Variants in SCD5 observed in about 807,000 individuals in gnomAD.
SCD5 encodes the protein acyl-CoA-desaturase 4.
A neutral mutation model predicts 30.4 loss-of-function variants in SCD5; 20 were observed. That is an observed-to-expected ratio of 0.66 (90% CI 0.46 to 0.96). SCD5 has a LOEUF of 0.96. SCD5 is among the 40% of genes least tolerant of loss of function. SCD5 has a pLI of 0.00. For synonymous variants in SCD5, 173 were observed against 176.4 expected (o/e 0.98, Z 0.16); for missense variants, 381 against 443.3 (o/e 0.86, Z 1.26).
At chr4:82,743,340 G>A (rs1223389534) in intron 1 of SCD5, among the ~76,000 whole-genome samples, 2 of 151,842 alleles carry the variant, frequency 1.3e-5, no homozygotes, top group African/African-American at 2.4e-5. Flanking sequence ...TGAGATGCCC[G>A]TATCTACAAA....
At chr4:82,767,888 G>T (rs1056103229) in intron 1 of SCD5, among the ~76,000 whole-genome samples, 1 of 152,082 alleles carries the variant, frequency 6.6e-6, no homozygotes, top group Admixed American at 6.6e-5. Context: ...GGACCCTCTG[G>T]TTCTACTGGG....
intron 1 of SCD5, among the ~76,000 whole-genome samples, chr4:82,771,442 C>G (rs1316224372): frequency 6.6e-6 from 1 of 152,202 alleles, no homozygotes; most frequent in Non-Finnish European, 1.5e-5. Flanking sequence ...AAGAAAGAAA[C>G]TAATTTCATT....
At chr4:82,736,392 C>T (rs1457256186) in intron 1 of SCD5, among the ~76,000 whole-genome samples, 2 of 150,758 alleles carry the variant, frequency 1.3e-5, no homozygotes, top group Non-Finnish European at 3.0e-5. Flanking sequence ...GTGGATCAGC[C>T]GAGGTCAGGA....
At chr4:82,742,895 G>A (rs1444673379) in intron 1 of SCD5, among the ~76,000 whole-genome samples, 1 of 152,102 alleles carries the variant, frequency 6.6e-6, no homozygotes, top group Non-Finnish European at 1.5e-5. Flanking sequence ...CTCAGGGAGT[G>A]GAAAGCAACC....
chr4:82,680,956 G>T, intron 2 of SCD5, 44 bp from the exon 3 acceptor site: 5 of 1,562,176 alleles, frequency 3.2e-6, no homozygotes, highest in South Asian at 1.1e-5. Flanking sequence ...GAACCGCACC[G>T]CCGAGCATCC....
At chr4:82,754,442 G>T (rs771459777) in intron 1 of SCD5, among the ~76,000 whole-genome samples, 3 of 145,008 alleles carry the variant, frequency 2.1e-5, no homozygotes, top group Non-Finnish European at 3.0e-5. Flanking sequence ...ATCTCAGTGC[G>T]TGGTCACTTG....
intron 1 of SCD5, among the ~76,000 whole-genome samples, chr4:82,746,655 G>A (rs1257782118): frequency 6.6e-6 from 1 of 152,050 alleles, no homozygotes; most frequent in South Asian, 2.1e-4. Flanking sequence ...ACAAGGTAAA[G>A]GCAAGAGACC....
Position 82,649,603 on chromosome 4 carries a change from C to T in SCD5, c.570-12780G>A, listed in dbSNP as rs185614983. Among the ~76,000 whole-genome samples, 5 of 152,194 alleles carry T rather than the reference C, an allele frequency of 3.3e-5. No individual in the cohort carries two copies. The South Asian group carries it at 8.3e-4, about 25-fold the overall frequency. The stretch of plus-strand genomic sequence containing the variant: ...AGCTGTGTGTGCCCTTAGGAGACTA[C>T]CTTTATCATGTCTTCCATGCAAGGG... On this transcript the variant is annotated intron_variant, in intron 3 of 4. Transcript: ENST00000319540.
At chr4:82,663,180 C>A (rs1207173859) in intron 3 of SCD5, among the ~76,000 whole-genome samples, 1 of 152,134 alleles carries the variant, frequency 6.6e-6, no homozygotes, top group Non-Finnish European at 1.5e-5. Context: ...GAGTCATAAA[C>A]CCATCCAAGG....
At chr4:82,633,147 C>T (rs189538859) in intron 4 of SCD5, among the ~76,000 whole-genome samples, 100 of 151,976 alleles carry the variant, frequency 6.6e-4, no homozygotes, top group African/African-American at 2.4e-3. Context: ...CTCTCAACAA[C>T]CCCCCTGCCC....
At position 82,654,040 on chromosome 4, in the gene SCD5, C is replaced by T. The variant is rs187872848; in HGVS notation, c.570-17217G>A. Among the ~76,000 whole-genome samples the T allele has an allele frequency of 1.2e-4, 19 of 152,188 alleles. 1 individual carries two copies. Among genetic ancestry groups the T allele is most frequent in the Admixed American group, 4.6e-4 (7 of 15,286 alleles). ...TCAAGCAATTCTCCTGCCTCAGCCT[C>T]CCAAGTAGCTGGGATTACAGGTGTC... On this transcript the variant is annotated intron_variant, in intron 3 of 4. Coordinates refer to ENST00000319540, the MANE Select transcript of SCD5 (RefSeq NM_001037582.3).
chr4:82,784,049 G>C (rs993232295), intron 1 of SCD5, among the ~76,000 whole-genome samples: 4 of 152,138 alleles, frequency 2.6e-5, no homozygotes, highest in Non-Finnish European at 5.9e-5. Flanking sequence ...CAGAGGAAAT[G>C]ATAAAGCAAA....
At chr4:82,760,683 T>C (rs1560555907) in intron 1 of SCD5, among the ~76,000 whole-genome samples, 2 of 152,116 alleles carry the variant, frequency 1.3e-5, no homozygotes, top group Non-Finnish European at 2.9e-5. Context: ...TCAAGCCCAT[T>C]CAAGCCTGAT....
intron 1 of SCD5, among the ~76,000 whole-genome samples, chr4:82,779,180 T>G (rs1381588086): frequency 1.4e-5 from 2 of 145,082 alleles, no homozygotes; most frequent in Admixed American, 1.4e-4. Flanking sequence ...CTAGCTAATC[T>G]TAAACTAGCA....
chr4:82,661,699 A>G (rs954793626), intron 3 of SCD5, among the ~76,000 whole-genome samples: 1 of 152,176 alleles, frequency 6.6e-6, no homozygotes, highest in Non-Finnish European at 1.5e-5. Flanking sequence ...TTTTTCTCCT[A>G]TGCCACTCTC....
At chr4:82,679,215 G>GA (rs1560531570) in intron 3 of SCD5, among the ~76,000 whole-genome samples, 40 of 20,468 alleles carry the variant, frequency 2.0e-3, no homozygotes, top group African/African-American at 7.1e-3. Flanking sequence ...AAAAAAAAAA[G>GA]AAAGAAAAGA....
At chr4:82,639,871 T>A (rs749851592) in intron 3 of SCD5, among the ~76,000 whole-genome samples, 3 of 152,220 alleles carry the variant, frequency 2.0e-5, no homozygotes, top group Non-Finnish European at 4.4e-5. Context: ...CCTCTCCCAG[T>A]CCTGCTCTGA....
At chr4:82,716,734 T>A (rs1343076118) in intron 1 of SCD5, among the ~76,000 whole-genome samples, 3 of 151,574 alleles carry the variant, frequency 2.0e-5, no homozygotes, top group African/African-American at 7.3e-5. Context: ...GAATCACTTG[T>A]ACCTGAGAGG....
chr4:82,796,948 C>T (rs1676718437), intron 1 of SCD5, among the ~76,000 whole-genome samples: 1 of 152,128 alleles, frequency 6.6e-6, no homozygotes, highest in Non-Finnish European at 1.5e-5. Context: ...AGGAGATTTC[C>T]CAGAGCTTTG....
Sources: allele counts gnomAD v4.1 joint callset (sites outside exome capture counted in the v4.1 genomes callset), GRCh38; gene constraint gnomAD v4.1.1; transcripts MANE v1.5; gene names NCBI Gene and HGNC (gene_info 2026-07-23, HGNC 2026-07-21).